POLDIP3: variants seen among roughly 807,000 people sequenced by gnomAD.
The protein encoded by POLDIP3 is DNA polymerase delta interacting protein 3, also known as polymerase delta-interacting protein 3.
In POLDIP3, 14 loss-of-function variants were observed where a neutral mutation model predicts 45.1. The ratio of observed to expected loss-of-function variants is 0.31; its 90% confidence interval spans 0.20 to 0.49. POLDIP3 has a LOEUF of 0.49. Among genes scored for constraint, POLDIP3 ranks in the 20% least tolerant of loss-of-function variants. The pLI is 0.99. For missense variants in POLDIP3, 511 were observed against 538.8 expected, an observed-to-expected ratio of 0.95 and a Z score of 0.51; for synonymous variants, 223 against 205.2, an observed-to-expected ratio of 1.09 and a Z score of -0.74.
chr22:42,591,900 G>A, intron 7 of POLDIP3, 55 bp downstream of exon 7: 1 of 1,609,254 alleles, frequency 6.2e-7, no homozygotes, highest in Non-Finnish European at 8.5e-7. Context: ...CCTGCTACCT[G>A]ACAGCAAGTA....
intron 1 of POLDIP3, chr22:42,603,822 G>C (rs949575103): frequency 6.6e-5 from 10 of 152,446 alleles, no homozygotes; most frequent in African/African-American, 1.4e-4. Context: ...AATTGGAAAT[G>C]ATCGGGTACA....
chr22:42,614,743 C>A, intron 1 of POLDIP3, 56 bp downstream of exon 1: 3 of 1,591,438 alleles, frequency 1.9e-6, no homozygotes, highest in Non-Finnish European at 2.6e-6. Context: ...CCTCCCCCGC[C>A]TCGAGCTCCA....
At position 42,588,404 on chromosome 22, in the gene POLDIP3, G is replaced by C. The variant is rs1231261474; in HGVS notation, c.1022-832C>G. Among the ~76,000 whole-genome samples the C allele has an allele frequency of 8.8e-5, 13 of 146,908 alleles. No individual in the cohort carries two copies. In the East Asian group the frequency reaches 2.4e-3, roughly 28 times the overall value. ...TGGGAGGTAGAGCTTGCAGTGAGCA[G>C]AGACCACATGCCACTGCACTCCAGC... On this transcript the variant is annotated intron_variant, in intron 7 of 8. Coordinates refer to ENST00000252115, the MANE Select transcript of POLDIP3 (RefSeq NM_032311.5).
chr22:42,602,245 C>T (rs1180698569), intron 2 of POLDIP3, 189 bp from the exon 3 acceptor site: 5 of 925,390 alleles, frequency 5.4e-6, no homozygotes, highest in African/African-American at 3.3e-5. Flanking sequence ...ATGCCGGTAA[C>T]GCACATGTAG....
chr22:42,606,158 A>G (rs1011989010), intron 1 of POLDIP3, among the ~76,000 whole-genome samples: 6 of 151,868 alleles, frequency 4.0e-5, no homozygotes, highest in Admixed American at 6.6e-5. Context: ...AATAAAGGAC[A>G]TGATCAATGA....
intron 1 of POLDIP3, among the ~76,000 whole-genome samples, chr22:42,611,549 A>G (rs1485618080): frequency 6.6e-6 from 1 of 152,226 alleles, no homozygotes; most frequent in Non-Finnish European, 1.5e-5. Flanking sequence ...ATATCCATGC[A>G]ACATTAAAAC....
intron 1 of POLDIP3, 61 bp downstream of exon 1, chr22:42,614,738 C>T: frequency 6.4e-7 from 1 of 1,573,744 alleles, no homozygotes; most frequent in Non-Finnish European, 8.7e-7. Flanking sequence ...CGCTACCTCC[C>T]CCGCCTCGAG....
chr22:42,599,643 C>A (rs890725712), intron 4 of POLDIP3, 55 bp downstream of exon 4: 3 of 1,307,336 alleles, frequency 2.3e-6, no homozygotes, highest in Non-Finnish European at 3.3e-6. Context: ...TTCAACACGA[C>A]CTCTCCCACC....
At chr22:42,603,242 G>A (rs970203308) in intron 1 of POLDIP3, 82 bp from the exon 2 acceptor site, 12 of 1,460,036 alleles carry the variant, frequency 8.2e-6, no homozygotes, top group Admixed American at 2.0e-5. Context: ...GGTAACACTG[G>A]GGACAGAGGA....
intron 3 of POLDIP3, 49 bp from the exon 4 acceptor site, chr22:42,599,842 TC>T (rs1926240556): frequency 7.5e-7 from 1 of 1,336,280 alleles, no homozygotes; most frequent in East Asian, 2.3e-5. Flanking sequence ...ATCTGGGCCC[TC>T]AACAGACATC....
chr22:42,603,043 C>A lies in POLDIP3; in HGVS notation c.177G>T (p.Lys59Asn). 6.2e-7 allele frequency: 1 copy of A among 1,614,170 alleles called. No homozygotes were observed. The highest frequency in any genetic ancestry group is 8.5e-7 in the Non-Finnish European group (1 of 1,180,012). ...TFQQRFDARQ[K>N]IGLSDARLKL... ...TGAGCCGGGCATCTGAGAGGCCAAT[C>A]TTCTGCCGGGCATCAAATCTCTGCT... Residue 59 changes from lysine (K) to asparagine (N), a missense_variant, in exon 2 of 9, where the codon AAG (lysine) becomes AAT (asparagine). Lys to Asn is a moderately conservative substitution (Grantham distance 94). This residue lies in a region of POLDIP3 where 378 missense variants were observed against 352.3 expected (regional missense o/e 1.07). Coordinates refer to ENST00000252115, the MANE Select transcript of POLDIP3 (RefSeq NM_032311.5).
chr22:42,596,444 C>A (rs752666926), intron 4 of POLDIP3, 79 bp from the exon 5 acceptor site: 8 of 1,404,002 alleles, frequency 5.7e-6, no homozygotes, highest in Non-Finnish European at 6.8e-6. Flanking sequence ...TGACAACTTG[C>A]TGAGAGCATG....
intron 3 of POLDIP3, among the ~76,000 whole-genome samples, chr22:42,600,327 G>C (rs552728562): frequency 1.7e-4 from 26 of 152,272 alleles, no homozygotes; most frequent in Admixed American, 9.1e-4. Context: ...ATACAAAATT[G>C]GATAAGAATA....
At chr22:42,589,365 CAA>C (rs563607295) in intron 7 of POLDIP3, among the ~76,000 whole-genome samples, 8 of 150,576 alleles carry the variant, frequency 5.3e-5, no homozygotes, top group Non-Finnish European at 7.4e-5. Flanking sequence ...TTTAAAACAA[CAA>C]AAAAAGTGAC....
intron 1 of POLDIP3, among the ~76,000 whole-genome samples, chr22:42,614,531 G>T (rs1927345086): frequency 2.0e-5 from 3 of 152,112 alleles, no homozygotes. Flanking sequence ...GGGCCCCAGG[G>T]GGCAGCCCCT....
At chr22:42,597,676 G>A (rs1178235772) in intron 4 of POLDIP3, 2 of 468,928 alleles carry the variant, frequency 4.3e-6, no homozygotes, top group Non-Finnish European at 8.8e-6. Context: ...GACTCACTGA[G>A]CAAGCTGATA....
At chr22:42,612,981 T>C (rs1927217369) in intron 1 of POLDIP3, among the ~76,000 whole-genome samples, 1 of 152,188 alleles carries the variant, frequency 6.6e-6, no homozygotes, top group Non-Finnish European at 1.5e-5. Flanking sequence ...GCAAGGCCCC[T>C]GTTCCTGTGG....
Position 42,596,236 on chromosome 22 carries a change from G to A in POLDIP3, c.763C>T (p.Arg255Trp), listed in dbSNP as rs777430283. ...IRTKALTNMS[R>W]TLVNKEEPPK... ...GGTTCTTCCTTGTTCACCAGTGTCCGGGACATGTTGGTCAAGGCTTTTGTT... is the reference window on the plus strand; with the variant it reads ...GGTTCTTCCTTGTTCACCAGTGTCCAGGACATGTTGGTCAAGGCTTTTGTT... Residue 255 changes from arginine to tryptophan, a missense_variant, in exon 5 of 9, where the codon CGG (arginine) becomes TGG (tryptophan). Around this residue, in one of 4 missense-constraint regions of POLDIP3, gnomAD observed 378 missense variants for 352.3 expected, o/e 1.07. Coordinates refer to ENST00000252115, the MANE Select transcript of POLDIP3 (RefSeq NM_032311.5). The A allele has an allele frequency of 4.3e-6, 7 of 1,614,184 alleles. No homozygotes were observed. The highest frequency in any genetic ancestry group is 2.2e-5 in the South Asian group (2 of 91,082).
intron 4 of POLDIP3, among the ~76,000 whole-genome samples, chr22:42,598,552 T>G (rs1926147395): frequency 6.6e-6 from 1 of 151,788 alleles, no homozygotes; most frequent in Admixed American, 6.6e-5. Flanking sequence ...CGCCCGAACT[T>G]TTTTGTATTT....
Sources: gnomAD v4.1 joint callset for allele counts (sites outside exome capture counted in the v4.1 genomes callset) on GRCh38, gnomAD v4.1.1 for gene constraint, gnomAD v4.1.1 regional missense constraint, MANE v1.5 for transcripts, NCBI Gene and HGNC (gene_info 2026-07-23, HGNC 2026-07-21) for gene names.